Variants in CNTN5 observed in about 807,000 individuals in gnomAD.
CNTN5 encodes contactin-5.
A neutral mutation model predicts 129.1 loss-of-function variants in CNTN5; 77 were observed. The observed-to-expected ratio is 0.60, with a 90% CI of 0.50 to 0.72. The LOEUF (loss-of-function observed/expected upper bound fraction) is 0.72, where lower values mean the gene tolerates loss of function less well. Ranked by LOEUF, CNTN5 falls within the 30% of genes least tolerant of loss-of-function variation. CNTN5 has a pLI of 0.00. For synonymous variants in CNTN5, 509 were observed against 465.6 expected (o/e 1.09, Z -1.20); for missense variants, 1,478 against 1,328.8 (o/e 1.11, Z -1.75).
At chr11:99,069,894 A>G (rs991940774) in intron 1 of CNTN5, among the ~76,000 whole-genome samples, 1 of 152,190 alleles carries the variant, frequency 6.6e-6, no homozygotes, top group African/African-American at 2.4e-5. Context: ...GTTAAAGCCC[A>G]GCCCTCAGGC....
chr11:99,170,140 T>C (rs540565945), intron 1 of CNTN5, among the ~76,000 whole-genome samples: 2 of 152,306 alleles, frequency 1.3e-5, no homozygotes, highest in African/African-American at 4.8e-5. Flanking sequence ...AGGTTACTAA[T>C]ATTTTGTGTA....
chr11:99,353,406 A>G (rs1006449046), intron 2 of CNTN5, among the ~76,000 whole-genome samples: 3 of 152,194 alleles, frequency 2.0e-5, no homozygotes, highest in African/African-American at 7.2e-5. Flanking sequence ...AGTTGAGTGT[A>G]TGCTTGTCCA....
chr11:100,134,898 T>C (rs1271923863), intron 13 of CNTN5, among the ~76,000 whole-genome samples: 1 of 152,152 alleles, frequency 6.6e-6, no homozygotes, highest in Non-Finnish European at 1.5e-5. Context: ...GACATTGCAA[T>C]TATTTGTTCA....
At chr11:100,146,350 A>T (rs1057190188) in intron 13 of CNTN5, among the ~76,000 whole-genome samples, 2 of 152,190 alleles carry the variant, frequency 1.3e-5, no homozygotes, top group African/African-American at 4.8e-5. Context: ...ATTGTCATAT[A>T]TATTATAATG....
chr11:99,626,442 G>C (rs1448586208), intron 3 of CNTN5, among the ~76,000 whole-genome samples: 2 of 152,026 alleles, frequency 1.3e-5, no homozygotes, highest in African/African-American at 4.8e-5. Flanking sequence ...CATTTAGTTT[G>C]ATGCAGCTGA....
At chr11:100,031,768 G>C (rs1941722006) in intron 9 of CNTN5, among the ~76,000 whole-genome samples, 1 of 152,132 alleles carries the variant, frequency 6.6e-6, no homozygotes, top group Non-Finnish European at 1.5e-5. Context: ...TCTGTATACT[G>C]TACTTCTACA....
At chr11:99,770,664 C>T (rs898020119) in intron 3 of CNTN5, among the ~76,000 whole-genome samples, 6 of 151,852 alleles carry the variant, frequency 4.0e-5, no homozygotes, top group Non-Finnish European at 7.4e-5. Flanking sequence ...CTTTCATAAC[C>T]TTAGTCAAAT....
intron 13 of CNTN5, among the ~76,000 whole-genome samples, chr11:100,122,030 G>A (rs1448518270): frequency 1.3e-5 from 2 of 151,896 alleles, no homozygotes; most frequent in African/African-American, 2.4e-5. Context: ...TCCAGATAGA[G>A]GATTTATTAG....
intron 6 of CNTN5, among the ~76,000 whole-genome samples, chr11:99,886,227 CTT>C (rs1040845459): frequency 2.0e-4 from 31 of 151,834 alleles, no homozygotes; most frequent in East Asian, 3.9e-4. Flanking sequence ...ATTAATAACT[CTT>C]ATTTAAAATT....
chr11:100,142,736 T>G (rs1274451091), intron 13 of CNTN5, among the ~76,000 whole-genome samples: 1 of 152,092 alleles, frequency 6.6e-6, no homozygotes, highest in Admixed American at 6.6e-5. Flanking sequence ...ACACATTATT[T>G]TTTCACTGCA....
At chr11:99,460,265 G>T (rs868513622) in intron 2 of CNTN5, among the ~76,000 whole-genome samples, 38 of 151,130 alleles carry the variant, frequency 2.5e-4, no homozygotes, top group Admixed American at 4.6e-4. Flanking sequence ...AAATATTTAA[G>T]AAATTATTTA....
At chr11:99,456,135 C>T (rs1259509288) in intron 2 of CNTN5, among the ~76,000 whole-genome samples, 1 of 151,942 alleles carries the variant, frequency 6.6e-6, no homozygotes, top group African/African-American at 2.4e-5. Flanking sequence ...TTTTTAAACT[C>T]TTTTTTATTT....
At chr11:100,177,427 G>T (rs1231765358) in intron 13 of CNTN5, among the ~76,000 whole-genome samples, 1 of 151,976 alleles carries the variant, frequency 6.6e-6, no homozygotes, top group Non-Finnish European at 1.5e-5. Flanking sequence ...GTAGGAACTG[G>T]GTCATATTCA....
chr11:100,159,945 T>C (rs1161194355), intron 13 of CNTN5, among the ~76,000 whole-genome samples: 2 of 151,952 alleles, frequency 1.3e-5, no homozygotes, highest in East Asian at 1.9e-4. Context: ...TTCATATATA[T>C]ACTTTAAGTT....
intron 1 of CNTN5, among the ~76,000 whole-genome samples, chr11:99,108,481 T>C (rs1354359823): frequency 6.6e-6 from 1 of 152,152 alleles, no homozygotes; most frequent in Admixed American, 6.6e-5. Flanking sequence ...GAGAGAGTTA[T>C]TGGGGGCGTT....
intron 1 of CNTN5, among the ~76,000 whole-genome samples, chr11:99,051,972 C>A (rs1041388513): frequency 2.6e-5 from 4 of 151,754 alleles, no homozygotes; most frequent in African/African-American, 7.2e-5. Flanking sequence ...GGATGAATTA[C>A]ATTTTAATGT....
intron 16 of CNTN5, among the ~76,000 whole-genome samples, chr11:100,227,340 A>G (rs1226089553): frequency 6.6e-6 from 1 of 152,158 alleles, no homozygotes; most frequent in South Asian, 2.1e-4. Flanking sequence ...CATGAACACT[A>G]AATTGGAGCA....
intron 2 of CNTN5, among the ~76,000 whole-genome samples, chr11:99,518,603 G>A (rs1006026720): frequency 6.6e-6 from 1 of 152,002 alleles, no homozygotes; most frequent in African/African-American, 2.4e-5. Context: ...TCGTTCTCCA[G>A]GGCAATATGG....
chr11:99,633,858 A>G lies in CNTN5; in HGVS notation c.55+77589A>G, dbSNP rs74619504. 3.2e-3 allele frequency among the ~76,000 whole-genome samples: 491 copies of G among 152,314 alleles called. 3 individuals are homozygous for G. Among genetic ancestry groups the G allele is most frequent in the African/African-American group, 0.01 (435 of 41,576 alleles). ...TAGGCAAGAAGCATCTAAAATGCAC[A>G]TAGGCCTGGAAGGAGCATGACCCAC... is the stretch of plus-strand genomic sequence containing the variant. On this transcript the variant is annotated intron_variant, in intron 3 of 24. Coordinates refer to ENST00000524871, the MANE Select transcript of CNTN5 (RefSeq NM_014361.4).
Sources: allele counts gnomAD v4.1 joint callset (sites outside exome capture counted in the v4.1 genomes callset), GRCh38; gene constraint gnomAD v4.1.1; transcripts MANE v1.5; gene names NCBI Gene and HGNC (gene_info 2026-07-23, HGNC 2026-07-21).